The following MTCL2 variants were observed in gnomAD, a reference collection of about 807,000 sequenced individuals.
MTCL2 encodes the protein microtubule cross-linking factor 2.
the MTCL2 span, among the ~76,000 whole-genome samples, chr20:36,799,002 G>A: frequency 1.3e-5 from 2 of 152,174 alleles, no homozygotes; most frequent in Non-Finnish European, 2.9e-5. Flanking sequence ...TTGAATTCAT[G>A]TCTAGGGCTT....
At chr20:36,850,625 G>T in the MTCL2 span, among the ~76,000 whole-genome samples, 1 of 152,178 alleles carries the variant, frequency 6.6e-6, no homozygotes, top group Admixed American at 6.5e-5. Context: ...AGTGCCTATG[G>T]TGGGCCAGAT....
chr20:36,814,593 T>A, the MTCL2 span, among the ~76,000 whole-genome samples: 3 of 151,392 alleles, frequency 2.0e-5, no homozygotes, highest in South Asian at 4.2e-4. Flanking sequence ...TACAAAAAAA[T>A]TTAAAAATTA....
At chr20:36,850,593 C>T in the MTCL2 span, among the ~76,000 whole-genome samples, 1 of 152,232 alleles carries the variant, frequency 6.6e-6, no homozygotes, top group Non-Finnish European at 1.5e-5. Context: ...AGGGCACAGC[C>T]CTTTTGTTTG....
At chr20:36,794,769 CT>C in the MTCL2 span, 70,395 of 587,122 alleles carry the variant, frequency 0.12, 14 homozygotes, top group East Asian at 0.15. This position sits in a 1 kb window ranked among gnomAD's most constrained non-coding sequence, Gnocchi z 5.4. Context: ...TCTGCATTTT[CT>C]TTTTTTTTTT....
the MTCL2 span, among the ~76,000 whole-genome samples, chr20:36,788,200 CAAAAAAAA>C: frequency 1.3e-5 from 1 of 76,680 alleles, no homozygotes; most frequent in Non-Finnish European, 2.4e-5. Flanking sequence ...GACTCCATCT[CAAAAAAAA>C]AAAAAAAAAA....
chr20:36,838,086 C>T, the MTCL2 span, among the ~76,000 whole-genome samples: 890 of 151,084 alleles, frequency 5.9e-3, 14 homozygotes, highest in East Asian at 0.031. Context: ...CTCGCTCTGT[C>T]GCCCAGGCTG....
At chr20:36,784,058 G>A in the MTCL2 span, 1 of 985,528 alleles carries the variant, frequency 1.0e-6, no homozygotes. Context: ...CGATGGTAAG[G>A]CTGAGTGGTC....
the MTCL2 span, chr20:36,815,422 C>T: frequency 2.9e-5 from 46 of 1,612,598 alleles, no homozygotes; most frequent in Non-Finnish European, 3.7e-5. The surrounding 1 kb of genome is among the most constrained non-coding windows in gnomAD (Gnocchi z 5.3). Flanking sequence ...AAGCCATTGG[C>T]ATCAGCCACC....
chr20:36,793,485 G>A, the MTCL2 span: 4 of 1,551,668 alleles, frequency 2.6e-6, no homozygotes, highest in Non-Finnish European at 3.5e-6. This position sits in a 1 kb window ranked among gnomAD's most constrained non-coding sequence, Gnocchi z 6.8. Flanking sequence ...CACACATTAC[G>A]GAAGAATTCC....
the MTCL2 span, among the ~76,000 whole-genome samples, chr20:36,835,030 A>T: frequency 6.6e-6 from 1 of 152,004 alleles, no homozygotes; most frequent in South Asian, 2.1e-4. Flanking sequence ...CAACCAATAC[A>T]TGTTTATTTC....
chr20:36,835,550 C>T, the MTCL2 span, among the ~76,000 whole-genome samples: 1 of 152,284 alleles, frequency 6.6e-6, no homozygotes, highest in Admixed American at 6.5e-5. Context: ...AGCGCCCGCC[C>T]CCTCCCCACT....
At chr20:36,810,744 CTCTCTCTCT>C in the MTCL2 span, among the ~76,000 whole-genome samples, 1 of 149,860 alleles carries the variant, frequency 6.7e-6, no homozygotes, top group Admixed American at 6.7e-5. Flanking sequence ...CTCTCTCTCT[CTCTCTCTCT>C]TTCAACGGAG....
At chr20:36,804,121 C>G in the MTCL2 span, among the ~76,000 whole-genome samples, 1 of 152,086 alleles carries the variant, frequency 6.6e-6, no homozygotes, top group Non-Finnish European at 1.5e-5. Flanking sequence ...CAGCAGAGAC[C>G]ATCGGAGTGC....
chr20:36,834,532 T>G, the MTCL2 span, among the ~76,000 whole-genome samples: 1 of 152,038 alleles, frequency 6.6e-6, no homozygotes, highest in African/African-American at 2.4e-5. Context: ...GAACAAGCCC[T>G]CCTGGTGATT....
At chr20:36,831,069 A>C in the MTCL2 span, among the ~76,000 whole-genome samples, 1 of 152,206 alleles carries the variant, frequency 6.6e-6, no homozygotes, top group African/African-American at 2.4e-5. Context: ...CATTCCTGGT[A>C]GACACCCTCT....
At chr20:36,839,465 G>A in the MTCL2 span, 1 of 1,607,844 alleles carries the variant, frequency 6.2e-7, no homozygotes, top group Middle Eastern at 1.7e-4. The surrounding 1 kb of genome is among the most constrained non-coding windows in gnomAD (Gnocchi z 5.1). Flanking sequence ...GAAGAGTCAG[G>A]TCACTGGGCC....
chr20:36,841,875 GTGT>G, the MTCL2 span, among the ~76,000 whole-genome samples: 2 of 24,836 alleles, frequency 8.1e-5, no homozygotes, highest in African/African-American at 3.1e-4. Context: ...GGGGGGTGGG[GTGT>G]GTGTGTGTGT....
chr20:36,849,112 A>G, the MTCL2 span, among the ~76,000 whole-genome samples: 1 of 82,706 alleles, frequency 1.2e-5, no homozygotes, highest in African/African-American at 4.9e-5. Flanking sequence ...CCCAGGCTGG[A>G]GTGCAATGGT....
chr20:36,794,339 G>A, the MTCL2 span: 4 of 1,587,994 alleles, frequency 2.5e-6, no homozygotes, highest in Non-Finnish European at 1.7e-6. The surrounding 1 kb of genome is among the most constrained non-coding windows in gnomAD (Gnocchi z 5.4). Flanking sequence ...TCGGATGCCC[G>A]TCTTGTCAGG....
Sources: gnomAD v4.1 joint callset for allele counts (sites outside exome capture counted in the v4.1 genomes callset) on GRCh38, gnomAD v4.1.1 for gene constraint, Gnocchi (gnomAD v3.1) non-coding constraint, MANE v1.5 for transcripts, NCBI Gene and HGNC (gene_info 2026-07-23, HGNC 2026-07-21) for gene names.